The following KANSL1 variants were observed in gnomAD, a reference collection of about 807,000 sequenced individuals.
KANSL1 encodes the protein KAT8 regulatory NSL complex subunit 1.
Under a neutral mutation model 103.6 loss-of-function variants are expected in KANSL1, and 22 were observed. The observed-to-expected ratio is 0.21, with a 90% CI of 0.15 to 0.30. KANSL1 has a LOEUF of 0.30. Among genes scored for constraint, KANSL1 ranks in the 10% least tolerant of loss-of-function variants. The pLI is 1.00. For missense variants in KANSL1, 1,337 were observed against 1,399.8 expected, an observed-to-expected ratio of 0.96 and a Z score of 0.72; for synonymous variants, 600 against 527.6, an observed-to-expected ratio of 1.14 and a Z score of -1.88.
intron 1 of KANSL1, among the ~76,000 whole-genome samples, chr17:46,191,441 A>C (rs1029334965): frequency 1.3e-5 from 2 of 152,256 alleles, no homozygotes; most frequent in Non-Finnish European, 2.9e-5. Context: ...ACACCCACTT[A>C]AGCCTTTGTA....
chr17:46,076,690 A>C (rs2078786964), intron 4 of KANSL1, among the ~76,000 whole-genome samples: 1 of 151,942 alleles, frequency 6.6e-6, no homozygotes, highest in Non-Finnish European at 1.5e-5. Context: ...TACAGCATAC[A>C]TCTCCGTTCA....
chr17:46,043,378 C>T (rs2077394885), intron 7 of KANSL1: 1 of 151,876 alleles, frequency 6.6e-6, no homozygotes, highest in Admixed American at 6.6e-5. Flanking sequence ...AACAAGTAGG[C>T]CTGGATTCAG....
intron 1 of KANSL1, among the ~76,000 whole-genome samples, chr17:46,209,881 T>C (rs2048101572): frequency 6.6e-6 from 1 of 152,222 alleles, no homozygotes; most frequent in African/African-American, 2.4e-5. Flanking sequence ...AGTGACCTTC[T>C]CTAAATGCCA....
chr17:46,126,719 T>G (rs1473929218), intron 2 of KANSL1, among the ~76,000 whole-genome samples: 2 of 152,236 alleles, frequency 1.3e-5, no homozygotes, highest in Admixed American at 1.3e-4. Flanking sequence ...CTGGTTACTC[T>G]TTATGTGTGC....
chr17:46,217,686 T>C (rs2458206), intron 1 of KANSL1, among the ~76,000 whole-genome samples: 14,103 of 143,394 alleles, frequency 0.098, no homozygotes, highest in Middle Eastern at 0.16. Flanking sequence ...GTCAGGAGTT[T>C]GAGACCAGCC....
At chr17:46,188,656 A>G (rs2732589) in intron 1 of KANSL1, among the ~76,000 whole-genome samples, 21,948 of 152,212 alleles carry the variant, frequency 0.14, 2,134 homozygotes, top group Non-Finnish European at 0.22. Context: ...TTCCCAAGAC[A>G]TAGACTAATC....
intron 3 of KANSL1, among the ~76,000 whole-genome samples, chr17:46,083,729 C>T (rs1440338583): frequency 8.9e-6 from 1 of 112,702 alleles, no homozygotes; most frequent in East Asian, 1.9e-4. Flanking sequence ...TTAAAAGCTC[C>T]CCTGGTAAGT....
Position 46,171,475 on chromosome 17 carries a change from A to G in KANSL1, c.669T>C (p.Tyr223=), listed in dbSNP as rs778659171. The G allele has an allele frequency of 8.1e-6, 13 of 1,614,132 alleles. No individual in the cohort carries two copies. In the South Asian group the frequency reaches 1.3e-4, roughly 16 times the overall value. ...ATTTGTTTGCAGTGCTATTATTGCT[A>G]TACAAAGTTGTGTGTTCTACATCAA... ...RSLDVEHTTL[Y]SNNSTANKSS... The change falls in exon 2 of 15, where the codon TAT becomes TAC. Residue 223 remains tyrosine, a synonymous_variant. Coordinates refer to ENST00000432791, the MANE Select transcript of KANSL1 (RefSeq NM_015443.4).
chr17:46,120,826 C>T (rs1241573434), intron 2 of KANSL1, among the ~76,000 whole-genome samples: 4 of 152,250 alleles, frequency 2.6e-5, no homozygotes, highest in Middle Eastern at 3.4e-3. Context: ...GTACTTACCA[C>T]GAAATTTTAC....
At chr17:46,132,557 G>A (rs192867013) in intron 2 of KANSL1, among the ~76,000 whole-genome samples, 9 of 152,278 alleles carry the variant, frequency 5.9e-5, no homozygotes, top group Admixed American at 2.6e-4. Flanking sequence ...TCAAATCTGC[G>A]CCCAGTAATC....
intron 2 of KANSL1, among the ~76,000 whole-genome samples, chr17:46,111,250 G>A (rs575949266): frequency 3.9e-5 from 6 of 152,284 alleles, no homozygotes; most frequent in African/African-American, 2.4e-5. Flanking sequence ...TCGCTCTGTC[G>A]TCCAGGCTGG....
chr17:46,066,647 C>A lies in KANSL1; in HGVS notation c.1738G>T (p.Val580Phe). Reference sequence around the variant, plus strand: ...CAGGTGCCATCAGATGATGAAGAGACGAGATTCAGTCGTTGCTTCTTATGT... The same window carrying A: ...CAGGTGCCATCAGATGATGAAGAGAAGAGATTCAGTCGTTGCTTCTTATGT... ...QLHKKQRLNL[V>F]SSSSDGTCVA... is the part of the protein sequence containing the mutation. The change falls in exon 6 of 15, where the codon GTC becomes TTC. Residue 580 changes from valine (V) to phenylalanine (F), a missense_variant. Coordinates refer to ENST00000432791, the MANE Select transcript of KANSL1 (RefSeq NM_015443.4). The A allele has an allele frequency of 1.2e-6, 2 of 1,614,148 alleles. No homozygotes were observed. The highest frequency in any genetic ancestry group is 1.7e-6 in the Non-Finnish European group (2 of 1,180,008).
chr17:46,143,980 G>T (rs2044564830), intron 2 of KANSL1, among the ~76,000 whole-genome samples: 2 of 152,196 alleles, frequency 1.3e-5, no homozygotes, highest in Non-Finnish European at 2.9e-5. Context: ...CCCAAACAAA[G>T]GGAGTATTTT....
At chr17:46,196,315 T>C (rs998274313), upstream of KANSL1, 77 of 455,698 alleles carry the variant, frequency 1.7e-4, no homozygotes, top group Non-Finnish European at 2.6e-5. Context: ...CTCTCCAATA[T>C]CCACTCTATT....
At chr17:46,213,722 A>T (rs2048247087) in intron 1 of KANSL1, among the ~76,000 whole-genome samples, 1 of 151,412 alleles carries the variant, frequency 6.6e-6, no homozygotes, top group African/African-American at 2.4e-5. Flanking sequence ...GTTCAAGACC[A>T]GCCTGGCCAA....
At chr17:46,065,165 C>G (rs1489108385) in intron 6 of KANSL1, among the ~76,000 whole-genome samples, 1 of 150,882 alleles carries the variant, frequency 6.6e-6, no homozygotes, top group Non-Finnish European at 1.5e-5. Context: ...TATGGGGTCT[C>G]ACTATGTTGC....
intron 1 of KANSL1, among the ~76,000 whole-genome samples, chr17:46,191,903 G>T (rs1567789357): frequency 1.4e-5 from 2 of 147,532 alleles, no homozygotes; most frequent in East Asian, 4.1e-4. Flanking sequence ...GACCCTAGGA[G>T]CACTAAACTC....
chr17:46,032,074 G>A lies in KANSL1; in HGVS notation c.3063C>T (p.Ser1021=). 1 of 1,614,206 alleles carries A rather than the reference G, an allele frequency of 6.2e-7. No homozygotes were observed. The highest frequency in any genetic ancestry group is 1.1e-5 in the South Asian group (1 of 91,084). The change falls in exon 14 of 15, where the codon TCC becomes TCT. Residue 1021 remains serine (S), a synonymous_variant. Transcript: ENST00000432791. The stretch of plus-strand genomic sequence containing the variant: ...GTTCATCCAGCCCCAGCTCTGGTGT[G>A]GAACAACGGGTATCCTCACTGGCTA... ...RHLASEDTRC[S]TPELGLDEQS...
At chr17:46,210,930 T>C (rs77795108) in intron 1 of KANSL1, among the ~76,000 whole-genome samples, 8,255 of 152,018 alleles carry the variant, frequency 0.054, 751 homozygotes, top group African/African-American at 0.19. Context: ...GTAGACAAAA[T>C]TGGGCCCAAA....
Sources: gnomAD v4.1 joint callset for allele counts (sites outside exome capture counted in the v4.1 genomes callset) on GRCh38, gnomAD v4.1.1 for gene constraint, MANE v1.5 for transcripts, NCBI Gene and HGNC (gene_info 2026-07-23, HGNC 2026-07-21) for gene names.